Variants in SAMD3 observed in about 807,000 individuals in gnomAD.
The protein encoded by SAMD3 is sterile alpha motif domain-containing protein 3.
A neutral mutation model predicts 58.5 loss-of-function variants in SAMD3; 63 were observed. The ratio of observed to expected loss-of-function variants is 1.08; its 90% CI spans 0.88 to 1.33. The LOEUF is 1.33. Ranked by LOEUF, SAMD3 falls within the 40% of genes most tolerant of loss-of-function variation. SAMD3 has a pLI of 0.00. For missense variants in SAMD3, 604 were observed against 608.4 expected, an observed-to-expected ratio of 0.99 and a Z score of 0.08; for synonymous variants, 220 against 210.3, an observed-to-expected ratio of 1.05 and a Z score of -0.40.
At chr6:130,247,282 C>T (rs1291784766) in intron 2 of SAMD3, among the ~76,000 whole-genome samples, 1 of 152,096 alleles carries the variant, frequency 6.6e-6, no homozygotes, top group Non-Finnish European at 1.5e-5. Context: ...CCAGCCTGAC[C>T]AACATGGTGA....
chr6:130,303,525 A>G (rs961406240), intron 2 of SAMD3, among the ~76,000 whole-genome samples: 1 of 152,200 alleles, frequency 6.6e-6, no homozygotes, highest in Admixed American at 6.5e-5. Flanking sequence ...AAATGTATTT[A>G]TTTATAGAAA....
At chr6:130,166,809 C>T (rs1261080901) in intron 8 of SAMD3, among the ~76,000 whole-genome samples, 1 of 152,184 alleles carries the variant, frequency 6.6e-6, no homozygotes, top group Non-Finnish European at 1.5e-5. Context: ...AAATGTAAAT[C>T]ACAGCAAGAA....
chr6:130,323,757 C>T (rs1478793728), intron 1 of SAMD3, among the ~76,000 whole-genome samples: 7 of 131,534 alleles, frequency 5.3e-5, no homozygotes, highest in East Asian at 2.4e-4. Context: ...GAGCTGAGAT[C>T]GTGACACTAT....
chr6:130,189,492 A>G (rs138055021), intron 5 of SAMD3, among the ~76,000 whole-genome samples: 1,988 of 152,354 alleles, frequency 0.013, 19 homozygotes, highest in South Asian at 0.042. Context: ...GGACTAACAC[A>G]GAATTCCAAT....
At chr6:130,167,576 A>G (rs1790839339) in intron 8 of SAMD3, among the ~76,000 whole-genome samples, 1 of 152,252 alleles carries the variant, frequency 6.6e-6, no homozygotes, top group Non-Finnish European at 1.5e-5. Flanking sequence ...AACTTATGAA[A>G]TTACTCAGTT....
intron 4 of SAMD3, among the ~76,000 whole-genome samples, chr6:130,212,716 C>G (rs1227855441): frequency 3.9e-5 from 6 of 152,226 alleles, no homozygotes; most frequent in Non-Finnish European, 7.3e-5. Flanking sequence ...ACATTATAAA[C>G]TGATTTGCAG....
At chr6:130,207,279 C>T (rs1206066111) in intron 5 of SAMD3, among the ~76,000 whole-genome samples, 1 of 152,134 alleles carries the variant, frequency 6.6e-6, no homozygotes, top group Non-Finnish European at 1.5e-5. Flanking sequence ...AGTAGGAATA[C>T]CTCCAGGAGC....
At chr6:130,244,603 G>C (rs1397597651) in intron 2 of SAMD3, among the ~76,000 whole-genome samples, 1 of 152,016 alleles carries the variant, frequency 6.6e-6, no homozygotes, top group Non-Finnish European at 1.5e-5. Flanking sequence ...AGCCGGGTGT[G>C]GTGCTGTGCA....
At chr6:130,159,680 A>G (rs1268448160) in intron 8 of SAMD3, 1 of 152,230 alleles carries the variant, frequency 6.6e-6, no homozygotes, top group Non-Finnish European at 1.5e-5. Flanking sequence ...TTTCCTTGTC[A>G]AAAGACACCA....
chr6:130,209,360 G>A (rs1795341076), intron 5 of SAMD3, 135 bp downstream of exon 5: 1 of 506,400 alleles, frequency 2.0e-6, no homozygotes, highest in East Asian at 3.2e-5. Context: ...TTTATCGCTG[G>A]ATAAAAATAT....
At position 130,316,308 on chromosome 6, in the gene SAMD3, A is replaced by G. The variant is rs9492541; in HGVS notation, c.-303-3215T>C. On this transcript the variant is annotated intron_variant, in intron 1 of 13. Coordinates refer to the SAMD3 transcript ENST00000368134. ...TGTCTTAAAAAAAAAAAAAAAAAAA[A>G]AAAGAATGGAATATTAGGAAGAGTG... 4.0e-3 allele frequency among the ~76,000 whole-genome samples: 600 copies of G among 151,090 alleles called. 4 individuals carry two copies. The highest frequency in any genetic ancestry group is 0.014 in the African/African-American group (562 of 41,232).
At chr6:130,256,653 T>C (rs1773936720) in intron 2 of SAMD3, among the ~76,000 whole-genome samples, 1 of 152,164 alleles carries the variant, frequency 6.6e-6, no homozygotes, top group Admixed American at 6.5e-5. Flanking sequence ...CAATATGCAG[T>C]CCTCTCCCAA....
At chr6:130,176,175 A>T (rs1288588777) in intron 7 of SAMD3, 167 bp from the exon 8 acceptor site, 1 of 688,644 alleles carries the variant, frequency 1.5e-6, no homozygotes, top group South Asian at 1.6e-5. Context: ...TCCTCACAGC[A>T]ATCTTGTGAC....
At chr6:130,189,182 A>G (rs1254942065) in intron 5 of SAMD3, among the ~76,000 whole-genome samples, 1 of 152,008 alleles carries the variant, frequency 6.6e-6, no homozygotes, top group Admixed American at 6.6e-5. Context: ...CAAATTCTAT[A>G]TGTTGAAGCC....
intron 2 of SAMD3, among the ~76,000 whole-genome samples, chr6:130,310,852 C>G (rs1202441867): frequency 6.6e-6 from 1 of 152,170 alleles, no homozygotes; most frequent in East Asian, 1.9e-4. Flanking sequence ...AATGGATCCT[C>G]CAGTGTGAGA....
At chr6:130,315,122 A>G in intron 1 of SAMD3, among the ~76,000 whole-genome samples, 1 of 119,518 alleles carries the variant, frequency 8.4e-6, no homozygotes, top group East Asian at 2.4e-4. Context: ...TTTCACAGCA[A>G]TATTTTTGGC....
chr6:130,300,611 C>A (rs144357866), intron 2 of SAMD3, among the ~76,000 whole-genome samples: 1 of 152,102 alleles, frequency 6.6e-6, no homozygotes, highest in South Asian at 2.1e-4. Flanking sequence ...CAACATAGTA[C>A]TGAAAGTTCT....
chr6:130,362,927 A>T (rs1447989158), intron 1 of SAMD3, among the ~76,000 whole-genome samples: 1 of 152,198 alleles, frequency 6.6e-6, no homozygotes, highest in Non-Finnish European at 1.5e-5. Flanking sequence ...ATCACGGTGA[A>T]ATAAAAATGA....
intron 1 of SAMD3, among the ~76,000 whole-genome samples, chr6:130,333,044 C>CGTGTGTGTGTGTGT (rs10529435): frequency 4.6e-4 from 66 of 143,658 alleles, no homozygotes; most frequent in Middle Eastern, 3.5e-3. Context: ...GTTGAGTATG[C>CGTGTGTGTGTGTGT]GTGTGTGTGT....
Sources: allele counts gnomAD v4.1 joint callset (sites outside exome capture counted in the v4.1 genomes callset), GRCh38; gene constraint gnomAD v4.1.1; transcripts MANE v1.5; gene names NCBI Gene and HGNC (gene_info 2026-07-23, HGNC 2026-07-21).